CAST: variants seen among roughly 807,000 people sequenced by gnomAD.
The protein encoded by CAST is MIR583 host.
Under a neutral mutation model 119.6 loss-of-function variants are expected in CAST, and 76 were observed. That is an observed-to-expected ratio of 0.64 (90% CI 0.53 to 0.77). The LOEUF (loss-of-function observed/expected upper bound fraction) is 0.77, where lower values mean the gene tolerates loss of function less well. Among genes scored for constraint, CAST ranks in the 30% least tolerant of loss-of-function variants. The pLI is 0.00. For missense variants in CAST, 953 were observed against 946.5 expected, an observed-to-expected ratio of 1.01 and a Z score of -0.09; for synonymous variants, 319 against 331.6, an observed-to-expected ratio of 0.96 and a Z score of 0.41.
chr5:96,662,487 G>T lies in CAST; in HGVS notation c.65G>T (p.Arg22Leu). Reference protein sequence around the residue: ...PRPRRAAAARRTHEHVSEKTS... With the variant: ...PRPRRAAAARLTHEHVSEKTS... ...CCCCGGCGAGCAGCCGCCGCCCGCCGCACCCATGAGGTGAGTGGCGCTCCT... is the reference window on the plus strand; with the variant it reads ...CCCCGGCGAGCAGCCGCCGCCCGCCTCACCCATGAGGTGAGTGGCGCTCCT... The change falls in exon 1 of 32, where the codon CGC becomes CTC. Residue 22 changes from arginine to leucine, a missense_variant. Physicochemically the swap from Arg to Leu is moderately radical, Grantham distance 102. Transcript: ENST00000675179. The T allele has an allele frequency of 9.1e-6, 13 of 1,432,860 alleles. No homozygotes were observed. Among genetic ancestry groups the T allele is most frequent in the Non-Finnish European group, 1.2e-5 (13 of 1,097,310 alleles). The allele number at this position is 1,432,860 out of a possible 1,614,324, so 88.8% of individuals were successfully genotyped here.
chr5:96,408,324 C>G, the CAST span: 1 of 1,612,200 alleles, frequency 6.2e-7, no homozygotes, highest in Non-Finnish European at 8.5e-7. Flanking sequence ...CAGCGCTCGT[C>G]TGGATGACGT....
intron 1 of CAST, among the ~76,000 whole-genome samples, chr5:96,553,556 G>T (rs939930977): frequency 8.5e-5 from 13 of 152,278 alleles, no homozygotes; most frequent in Non-Finnish European, 1.6e-4. Context: ...TCTGGCCAGG[G>T]CAATCAGGCA....
intron 3 of CAST, among the ~76,000 whole-genome samples, chr5:96,708,053 C>T (rs73774402): frequency 7.6e-4 from 115 of 152,260 alleles, no homozygotes; most frequent in African/African-American, 2.5e-3. Flanking sequence ...TGTTTATATC[C>T]GATAGGGAAA....
chr5:96,509,322 T>G, the CAST span, among the ~76,000 whole-genome samples: 2 of 152,184 alleles, frequency 1.3e-5, no homozygotes, highest in African/African-American at 4.8e-5. Context: ...CAGGGTTAAT[T>G]ATTGTAAACT....
chr5:96,129,020 GT>G, the CAST span, among the ~76,000 whole-genome samples: 1 of 152,054 alleles, frequency 6.6e-6, no homozygotes, highest in Non-Finnish European at 1.5e-5. Context: ...AGTCAAGTAT[GT>G]TGTTTTCTCT....
chr5:96,150,243 T>C, the CAST span, among the ~76,000 whole-genome samples: 2 of 152,172 alleles, frequency 1.3e-5, no homozygotes, highest in Non-Finnish European at 2.9e-5. Context: ...TAAACTGAGG[T>C]GCTAGACTAC....
chr5:96,123,421 C>T, the CAST span, among the ~76,000 whole-genome samples: 1 of 152,038 alleles, frequency 6.6e-6, no homozygotes, highest in Admixed American at 6.6e-5. Flanking sequence ...AAATTGTCTT[C>T]CTGAAGGCTT....
the CAST span, among the ~76,000 whole-genome samples, chr5:96,138,608 A>G: frequency 6.6e-6 from 1 of 152,026 alleles, no homozygotes; most frequent in Non-Finnish European, 1.5e-5. Context: ...CATAAACACA[A>G]TATTTCTCCA....
the CAST span, among the ~76,000 whole-genome samples, chr5:96,141,016 A>G: frequency 6.6e-6 from 1 of 152,198 alleles, no homozygotes; most frequent in Non-Finnish European, 1.5e-5. Flanking sequence ...CCGCCAGTTA[A>G]CTCGAGAAAA....
chr5:96,181,993 A>T, the CAST span, among the ~76,000 whole-genome samples: 1 of 152,230 alleles, frequency 6.6e-6, no homozygotes, highest in African/African-American at 2.4e-5. Context: ...TATAAAATGG[A>T]TAAGGACAAT....
At chr5:96,299,040 G>A in the CAST span, among the ~76,000 whole-genome samples, 1 of 151,918 alleles carries the variant, frequency 6.6e-6, no homozygotes, top group Non-Finnish European at 1.5e-5. Flanking sequence ...AAGAGTTCAA[G>A]ATTAGCTTGG....
At chr5:96,719,431 G>T (rs1757806182) in intron 3 of CAST, among the ~76,000 whole-genome samples, 1 of 152,234 alleles carries the variant, frequency 6.6e-6, no homozygotes, top group South Asian at 2.1e-4. Flanking sequence ...GAGGTGCTGG[G>T]ATTTCAGGTG....
At chr5:96,178,236 G>A in the CAST span, among the ~76,000 whole-genome samples, 2 of 152,096 alleles carry the variant, frequency 1.3e-5, no homozygotes, top group African/African-American at 2.4e-5. Context: ...AAATTGCAGG[G>A]GAATCTGCAT....
chr5:96,736,944 T>G (rs1761779037), intron 10 of CAST, among the ~76,000 whole-genome samples: 1 of 152,114 alleles, frequency 6.6e-6, no homozygotes, highest in Non-Finnish European at 1.5e-5. Flanking sequence ...CTCAGGAAAC[T>G]TACAATCATG....
chr5:96,036,853 G>A, the CAST span, among the ~76,000 whole-genome samples: 4 of 152,156 alleles, frequency 2.6e-5, no homozygotes, highest in Middle Eastern at 6.8e-3. Flanking sequence ...TCAAATAATT[G>A]CAAATTCTAG....
the CAST span, among the ~76,000 whole-genome samples, chr5:96,244,718 A>G: frequency 2.0e-5 from 3 of 152,200 alleles, no homozygotes; most frequent in Non-Finnish European, 4.4e-5. Context: ...CACTTTTTCT[A>G]CTATAACACA....
chr5:96,094,115 CTTG>C, the CAST span, among the ~76,000 whole-genome samples: 1 of 152,190 alleles, frequency 6.6e-6, no homozygotes, highest in African/African-American at 2.4e-5. Flanking sequence ...ACTTAGTTAT[CTTG>C]TTGTTAAATA....
chr5:96,167,008 T>C, the CAST span, among the ~76,000 whole-genome samples: 465 of 152,062 alleles, frequency 3.1e-3, 1 homozygote, highest in Non-Finnish European at 4.9e-3. Flanking sequence ...TAAGGGGCGA[T>C]ATTGTGGGGT....
the CAST span, among the ~76,000 whole-genome samples, chr5:96,260,644 C>T: frequency 2.6e-5 from 4 of 152,174 alleles, no homozygotes; most frequent in Admixed American, 6.5e-5. Flanking sequence ...CATGTTCTTG[C>T]TTTTCCTGCT....
Sources: gnomAD v4.1 joint callset for allele counts (sites outside exome capture counted in the v4.1 genomes callset) on GRCh38, gnomAD v4.1.1 for gene constraint, MANE v1.5 for transcripts, NCBI Gene and HGNC (gene_info 2026-07-23, HGNC 2026-07-21) for gene names.